Variants in HDAC9 observed in about 807,000 individuals in gnomAD.
The protein encoded by HDAC9 is MEF-2 interacting transcription repressor (MITR) protein.
Under a neutral mutation model 139.4 loss-of-function variants are expected in HDAC9, and 41 were observed. That is an observed-to-expected ratio of 0.29 (90% CI 0.23 to 0.38). The LOEUF is 0.38. HDAC9 is among the 10% of genes least tolerant of loss of function. HDAC9 has a pLI of 1.00. For missense variants in HDAC9, 1,147 were observed against 1,297.0 expected (o/e 0.88, Z 1.78); for synonymous variants, 517 against 476.2 (o/e 1.09, Z -1.12).
At chr7:18,959,713 A>G (rs545809930) in intron 24 of HDAC9, among the ~76,000 whole-genome samples, 94 of 152,324 alleles carry the variant, frequency 6.2e-4, no homozygotes, top group African/African-American at 2.2e-3. Context: ...CTGTGACAAC[A>G]AAGTGGCAAA....
intron 2 of HDAC9, among the ~76,000 whole-genome samples, chr7:18,229,436 A>C (rs894445970): frequency 1.3e-5 from 2 of 152,178 alleles, no homozygotes; most frequent in African/African-American, 4.8e-5. Context: ...TGGAGTCACA[A>C]CACCTTCGAA....
chr7:18,977,652 G>A (rs181576928), intron 25 of HDAC9, among the ~76,000 whole-genome samples: 3 of 152,222 alleles, frequency 2.0e-5, no homozygotes, highest in African/African-American at 4.8e-5. Context: ...TTCATCTGAT[G>A]GCAGAGAGAG....
At chr7:18,810,496 G>T (rs1288526751) in intron 17 of HDAC9, among the ~76,000 whole-genome samples, 1 of 151,766 alleles carries the variant, frequency 6.6e-6, no homozygotes, top group Non-Finnish European at 1.5e-5. Context: ...ACAATCCATT[G>T]ATATTTTTCA....
intron 12 of HDAC9, among the ~76,000 whole-genome samples, chr7:18,670,388 C>A (rs1015098247): frequency 6.6e-6 from 1 of 152,002 alleles, no homozygotes; most frequent in African/African-American, 2.4e-5. Flanking sequence ...CGTTTATATT[C>A]TTGTTGTTAC....
chr7:18,366,397 C>T (rs556825875), intron 1 of HDAC9, among the ~76,000 whole-genome samples: 1 of 152,100 alleles, frequency 6.6e-6, no homozygotes, highest in Non-Finnish European at 1.5e-5. Flanking sequence ...GCAGTTGGCC[C>T]AGGACACCAG....
At chr7:18,855,271 T>C (rs987772043) in intron 21 of HDAC9, among the ~76,000 whole-genome samples, 12 of 152,116 alleles carry the variant, frequency 7.9e-5, no homozygotes, top group African/African-American at 2.9e-4. Flanking sequence ...TAAAGATCTA[T>C]CGTGACCTAG....
Position 18,266,294 on chromosome 7 carries a change from G to A in HDAC9, c.25+103945G>A, listed in dbSNP as rs545674072. ...TTCCTTGAAAGTTCTAATTTTATTA[G>A]CAACAATTACTCTCAGTTATTTTCC... On this transcript the variant is annotated intron_variant, in intron 2 of 12. Coordinates refer to the HDAC9 transcript ENST00000417496. Among the ~76,000 whole-genome samples, 4 of 152,256 alleles carry A rather than the reference G, an allele frequency of 2.6e-5. No individual in the cohort carries two copies. In the South Asian group the frequency reaches 8.3e-4, roughly 32 times the overall value.
intron 22 of HDAC9, among the ~76,000 whole-genome samples, chr7:18,891,260 A>G (rs1800656286): frequency 6.6e-6 from 1 of 152,224 alleles, no homozygotes; most frequent in Non-Finnish European, 1.5e-5. Context: ...TTGTCGCCCA[A>G]GTAGCCAGCA....
chr7:18,891,999 C>G (rs1800725486), intron 22 of HDAC9: 1 of 152,026 alleles, frequency 6.6e-6, no homozygotes, highest in Non-Finnish European at 1.5e-5. Flanking sequence ...TTACTTGCAA[C>G]CAAAGGCACA....
rs1783856785 is a variant in HDAC9, at chr7:18,362,468, T to C, written c.-42+71953T>C. On this transcript the variant is annotated intron_variant, in intron 1 of 3. Transcript: ENST00000413509. ...TATAGATTCTAAATATTGGGGAATTTGGAGATTTATGATTCTTAAAGGCAT... is the reference window on the plus strand; with the variant it reads ...TATAGATTCTAAATATTGGGGAATTCGGAGATTTATGATTCTTAAAGGCAT... Among the ~76,000 whole-genome samples, 3 of 152,180 alleles carry C rather than the reference T, an allele frequency of 2.0e-5. No homozygotes were observed. The South Asian group carries it at 6.2e-4, about 32-fold the overall frequency.
At chr7:18,348,532 G>A (rs1258993505) in intron 1 of HDAC9, among the ~76,000 whole-genome samples, 4 of 151,916 alleles carry the variant, frequency 2.6e-5, no homozygotes, top group Admixed American at 1.3e-4. Flanking sequence ...TATACTGTAG[G>A]GGTCATAATT....
intron 2 of HDAC9, among the ~76,000 whole-genome samples, chr7:18,523,608 C>T (rs1453985420): frequency 1.3e-5 from 2 of 152,088 alleles, no homozygotes; most frequent in African/African-American, 4.8e-5. Context: ...GAAATCTACA[C>T]TGTTTGCACA....
At chr7:18,260,195 G>C (rs186325790) in intron 2 of HDAC9, among the ~76,000 whole-genome samples, 1 of 151,854 alleles carries the variant, frequency 6.6e-6, no homozygotes, top group Admixed American at 6.6e-5. Flanking sequence ...TTTAAACCTG[G>C]TCAAAGCCTT....
At chr7:18,163,104 C>G (rs931723393) in intron 2 of HDAC9, among the ~76,000 whole-genome samples, 5 of 152,102 alleles carry the variant, frequency 3.3e-5, no homozygotes, top group African/African-American at 1.2e-4. Flanking sequence ...GTTTATTGAA[C>G]TAAGTTGAAG....
At chr7:18,429,779 G>C (rs949660046) in intron 1 of HDAC9, among the ~76,000 whole-genome samples, 2 of 152,044 alleles carry the variant, frequency 1.3e-5, no homozygotes, top group South Asian at 4.2e-4. Flanking sequence ...ATGCTATTTA[G>C]ATACACTTCC....
At chr7:18,659,023 G>A (rs1383843463) in intron 11 of HDAC9, among the ~76,000 whole-genome samples, 1 of 151,782 alleles carries the variant, frequency 6.6e-6, no homozygotes, top group African/African-American at 2.4e-5. Flanking sequence ...ACTTTGCATA[G>A]TTTAATAATC....
chr7:18,791,034 G>T (rs1395916972), intron 16 of HDAC9, among the ~76,000 whole-genome samples: 3 of 152,160 alleles, frequency 2.0e-5, no homozygotes. Flanking sequence ...CAGATAGAAA[G>T]GTATGGACAG....
chr7:18,265,737 A>C (rs1448470219), intron 2 of HDAC9, among the ~76,000 whole-genome samples: 1 of 152,192 alleles, frequency 6.6e-6, no homozygotes, highest in Admixed American at 6.5e-5. Flanking sequence ...GCATTGTTGC[A>C]AATAGCTTTG....
At chr7:18,828,154 A>G (rs1046336882) in intron 17 of HDAC9, among the ~76,000 whole-genome samples, 12 of 152,318 alleles carry the variant, frequency 7.9e-5, no homozygotes, top group African/African-American at 2.9e-4. Flanking sequence ...TAGAGAATAG[A>G]TTAGTTTTCT....
Sources: gnomAD v4.1 joint callset for allele counts (sites outside exome capture counted in the v4.1 genomes callset) on GRCh38, gnomAD v4.1.1 for gene constraint, MANE v1.5 for transcripts, NCBI Gene and HGNC (gene_info 2026-07-23, HGNC 2026-07-21) for gene names.